The following VDAC1 variants were observed in gnomAD, a reference collection of about 807,000 sequenced individuals.
VDAC1 encodes the protein voltage dependent anion channel 1.
Under a neutral mutation model 34.7 loss-of-function variants are expected in VDAC1, and 10 were observed. That is an observed-to-expected ratio of 0.29 (90% CI 0.18 to 0.49). VDAC1 has a LOEUF of 0.49. Ranked by LOEUF, VDAC1 falls within the 20% of genes least tolerant of loss-of-function variation. The probability of loss-of-function intolerance (pLI) is 0.99; values close to 1 mark genes in which losing one functional copy is unlikely to be tolerated. For missense variants in VDAC1, 230 were observed against 347.9 expected, an observed-to-expected ratio of 0.66 and a Z score of 2.69; for synonymous variants, 130 against 136.0, an observed-to-expected ratio of 0.96 and a Z score of 0.30.
chr5:134,072,195 A>G, the VDAC1 span, among the ~76,000 whole-genome samples: 1 of 152,140 alleles, frequency 6.6e-6, no homozygotes, highest in Non-Finnish European at 1.5e-5. Flanking sequence ...GGCACCTACT[A>G]TATATTAGAT....
upstream of VDAC1, among the ~76,000 whole-genome samples, chr5:134,006,708 A>C (rs1753757829): frequency 1.4e-5 from 2 of 140,292 alleles, no homozygotes; most frequent in East Asian, 2.2e-4. Context: ...GAGCCGCTGT[A>C]CTCCAGCCTG....
the VDAC1 span, among the ~76,000 whole-genome samples, chr5:134,113,176 T>A: frequency 6.6e-6 from 1 of 152,162 alleles, no homozygotes; most frequent in Admixed American, 6.5e-5. Flanking sequence ...AAGCCCACCC[T>A]GGGAAGAGGC....
the VDAC1 span, among the ~76,000 whole-genome samples, chr5:134,027,863 C>T: frequency 6.8e-6 from 1 of 147,670 alleles, no homozygotes; most frequent in Non-Finnish European, 1.5e-5. Flanking sequence ...CTCCGCCTCT[C>T]AGGTTCAAGC....
At chr5:134,050,203 C>T in the VDAC1 span, among the ~76,000 whole-genome samples, 1 of 152,102 alleles carries the variant, frequency 6.6e-6, no homozygotes, top group Non-Finnish European at 1.5e-5. Context: ...GAGCCGAGAT[C>T]ACGCCATTGC....
the VDAC1 span, among the ~76,000 whole-genome samples, chr5:134,011,363 T>G: frequency 6.6e-6 from 1 of 152,162 alleles, no homozygotes; most frequent in Non-Finnish European, 1.5e-5. Flanking sequence ...AAGTTCCTTA[T>G]AGATTCTAGA....
At position 133,991,072 on chromosome 5, in the gene VDAC1, T is replaced by C. The variant is rs1447552588; in HGVS notation, c.200A>G (p.Tyr67Cys). The C allele has an allele frequency of 1.2e-6, 2 of 1,614,060 alleles. No homozygotes were observed. The highest frequency in any genetic ancestry group is 1.7e-6 in the Non-Finnish European group (2 of 1,180,050). The change falls in exon 4 of 9, where the codon TAC becomes TGC. Residue 67 changes from tyrosine (Y) to cysteine (C), a missense_variant. Tyr to Cys is a radical substitution (Grantham distance 194, BLOSUM62 -2). Coordinates refer to ENST00000265333, the MANE Select transcript of VDAC1 (RefSeq NM_003374.3). ...CCATTTCTCTGTAAACGTCAGGCCG[T>C]ACTCAGTCCATCTGTACTTGGTTTC... ...SLETKYRWTE[Y>C]GLTFTEKWNT...
the VDAC1 span, among the ~76,000 whole-genome samples, chr5:134,033,583 G>A: frequency 1.1e-3 from 168 of 151,568 alleles, 2 homozygotes; most frequent in African/African-American, 3.8e-3. Context: ...TTGTATTTCC[G>A]GGTCTTAAAA....
At chr5:134,008,159 G>T (rs1456920111), upstream of VDAC1, among the ~76,000 whole-genome samples, 3 of 60,424 alleles carry the variant, frequency 5.0e-5, no homozygotes, top group African/African-American at 1.8e-4. Flanking sequence ...CACCGCCCCC[G>T]ATCCCCGCCC....
At chr5:134,077,504 T>G in the VDAC1 span, among the ~76,000 whole-genome samples, 17 of 152,294 alleles carry the variant, frequency 1.1e-4, no homozygotes, top group East Asian at 3.1e-3. Flanking sequence ...ACTGTTCTCA[T>G]GTGCATGGGA....
At chr5:134,044,629 G>GTGTT in the VDAC1 span, among the ~76,000 whole-genome samples, 19,412 of 152,112 alleles carry the variant, frequency 0.13, 1,371 homozygotes, top group East Asian at 0.28. Flanking sequence ...ATAACTGTGT[G>GTGTT]TGTGTGTGCA....
At chr5:134,024,320 G>T in the VDAC1 span, among the ~76,000 whole-genome samples, 2 of 152,034 alleles carry the variant, frequency 1.3e-5, no homozygotes, top group Non-Finnish European at 2.9e-5. Flanking sequence ...TTGAGGTCAG[G>T]AGTTTGAGAG....
chr5:134,109,070 C>T, the VDAC1 span, among the ~76,000 whole-genome samples: 12 of 152,174 alleles, frequency 7.9e-5, no homozygotes, highest in Admixed American at 2.0e-4. Context: ...AGTTGCCTGA[C>T]GGCAGGTACG....
the VDAC1 span, among the ~76,000 whole-genome samples, chr5:134,073,516 C>G: frequency 9.2e-5 from 14 of 152,132 alleles, no homozygotes; most frequent in Admixed American, 9.2e-4. Flanking sequence ...ACTTGAATAC[C>G]TCCTCTGATG....
At chr5:134,013,426 C>T in the VDAC1 span, among the ~76,000 whole-genome samples, 12 of 152,050 alleles carry the variant, frequency 7.9e-5, no homozygotes, top group Admixed American at 2.0e-4. Context: ...CAGAGTAAGA[C>T]TGTGTCTCAA....
chr5:134,075,213 C>G, the VDAC1 span, among the ~76,000 whole-genome samples: 3 of 152,350 alleles, frequency 2.0e-5, no homozygotes, highest in East Asian at 5.8e-4. Flanking sequence ...CTACCATTCA[C>G]ACTTCTATTT....
chr5:134,112,172 C>T, the VDAC1 span, among the ~76,000 whole-genome samples: 2 of 152,212 alleles, frequency 1.3e-5, no homozygotes, highest in East Asian at 3.8e-4. Context: ...TCCAGGCCCA[C>T]ATGAAATCTA....
At chr5:134,025,623 T>C in the VDAC1 span, among the ~76,000 whole-genome samples, 1 of 152,076 alleles carries the variant, frequency 6.6e-6, no homozygotes, top group African/African-American at 2.4e-5. Flanking sequence ...GAGTTCTCAC[T>C]CTGTCACCCA....
the VDAC1 span, among the ~76,000 whole-genome samples, chr5:134,067,003 T>C: frequency 3.1e-3 from 472 of 152,272 alleles, no homozygotes; most frequent in Non-Finnish European, 4.0e-3. Context: ...TTCTAGTTTG[T>C]ATTTTTTGTT....
the VDAC1 span, among the ~76,000 whole-genome samples, chr5:134,010,743 C>T: frequency 4.6e-5 from 7 of 152,194 alleles, no homozygotes; most frequent in Non-Finnish European, 1.0e-4. Flanking sequence ...AATGGCCCCC[C>T]AAGGATATCC....
Sources: allele counts gnomAD v4.1 joint callset (sites outside exome capture counted in the v4.1 genomes callset), GRCh38; gene constraint gnomAD v4.1.1; transcripts MANE v1.5; gene names NCBI Gene and HGNC (gene_info 2026-07-23, HGNC 2026-07-21).